IQCF5: variants seen among roughly 807,000 people sequenced by gnomAD.
IQCF5 encodes IQ motif containing F5, also known as IQ domain-containing protein F5.
A neutral mutation model predicts 3.4 loss-of-function variants in IQCF5; 2 were observed. The observed-to-expected ratio is 0.58, with a 90% CI of 0.24 to 1.84. The LOEUF is 1.84. Among genes scored for constraint, IQCF5 ranks in the 40% most tolerant of loss-of-function variants. The pLI is 0.17. For synonymous variants in IQCF5, 58 were observed against 64.7 expected, an observed-to-expected ratio of 0.90 and a Z score of 0.49; for missense variants, 167 against 191.6, an observed-to-expected ratio of 0.87 and a Z score of 0.76.
At chr3:51,875,219 A>C in intron 1 of IQCF5, 1 of 403,540 alleles carries the variant, frequency 2.5e-6, no homozygotes, top group Non-Finnish European at 4.6e-6. Context: ...TGATTTCATC[A>C]TTATGTTTAA....
rs746085732 is a variant in IQCF5 at position 51,874,155 on chromosome 3, T to C, written c.25A>G (p.Met9Val). Residue 9 changes from methionine to valine, a missense_variant, in exon 2 of 2, where the codon ATG (methionine) becomes GTG (valine). Physicochemically the swap from Met to Val is conservative, Grantham distance 21 (BLOSUM62 1). Transcript: ENST00000446461. Reference protein sequence around the residue: MGPEEKTIMTERSAAVFIQ... With the variant: MGPEEKTIVTERSAAVFIQ... ...AAAACAGCTGCAGACCTTTCTGTCA[T>C]GATGGTCTTCTCTTCTGGGCCTTAC... 6 of 1,551,384 alleles carry C rather than the reference T, an allele frequency of 3.9e-6. No homozygotes were observed. Among genetic ancestry groups the C allele is most frequent in the Admixed American group, 2.0e-5 (1 of 50,978 alleles).
At chr3:51,875,104 C>T (rs1034880714) in intron 1 of IQCF5, 6 of 218,356 alleles carry the variant, frequency 2.7e-5, no homozygotes, top group African/African-American at 9.1e-5. Context: ...CCCAGCCACT[C>T]ACGGAGTTGT....
intron 1 of IQCF5, chr3:51,875,099 C>T: frequency 4.6e-6 from 1 of 216,090 alleles, no homozygotes; most frequent in South Asian, 8.6e-5. Context: ...CTGGACCCAG[C>T]CACTCACGGA....
chr3:51,874,676 A>T (rs545485165), intron 1 of IQCF5: 25 of 353,222 alleles, frequency 7.1e-5, no homozygotes, highest in Non-Finnish European at 2.8e-5. Flanking sequence ...AACTTCAGCT[A>T]TGCATGCATC....
rs1698768306 is a variant in IQCF5, at chr3:51,874,004, A to T, written c.176T>A (p.Met59Lys). ...CTGCTGCACATAGAACTCCAACACC[A>T]TCCTCCGCCTCTTTGCCAGCAGCTT... is the stretch of plus-strand genomic sequence containing the variant. The part of the protein sequence containing the change: ...LEKLLAKRRR[M>K]VLEFYVQQEW... The change falls in exon 2 of 2, where the codon ATG becomes AAG. Residue 59 changes from methionine to lysine, a missense_variant. Transcript: ENST00000446461. 2.6e-6 allele frequency: 4 copies of T among 1,552,292 alleles called. No individual in the cohort carries two copies. In the South Asian group the frequency reaches 4.8e-5, roughly 18 times the overall value.
At chr3:51,875,390 A>AG (rs1698785172) in intron 1 of IQCF5, 138 bp downstream of exon 1, 2 of 916,024 alleles carry the variant, frequency 2.2e-6, no homozygotes, top group Admixed American at 2.0e-5. Flanking sequence ...TCAAACATGG[A>AG]GGGGGGTCCT....
At position 51,873,751 on chromosome 3, in the gene IQCF5, G is replaced by A. The variant is rs373244450; in HGVS notation, c.429C>T (p.Pro143=). 6 of 1,550,524 alleles carry A rather than the reference G, an allele frequency of 3.9e-6. No homozygotes were observed. In the African/African-American group the frequency reaches 5.5e-5, roughly 14 times the overall value. ...GACCTGGTCATTCTTTTAATGGAAG[G>A]GGTATGCATTGTTGCACCTTACAAG... The part of the protein sequence containing the change: ...LQACKVQQCI[P]LPLKE The change falls in exon 2 of 2, where the codon CCC becomes CCT. Residue 143 remains proline, a synonymous_variant. Transcript: ENST00000446461.
At position 51,874,134 on chromosome 3, in the gene IQCF5, C is replaced by G. The variant is rs1373549955; in HGVS notation, c.46G>C (p.Val16Leu). The G allele has an allele frequency of 1.3e-6, 2 of 1,552,130 alleles. No individual in the cohort carries two copies. The highest frequency in any genetic ancestry group is 2.0e-5 in the Admixed American group (1 of 50,998). Residue 16 changes from valine to leucine, a missense_variant, in exon 2 of 2, where the codon GTT (valine) becomes CTT (leucine). Coordinates refer to ENST00000446461, the MANE Select transcript of IQCF5 (RefSeq NM_001145059.2). ...CCCCGCCACCAGGCCTGGATGAAAACAGCTGCAGACCTTTCTGTCATGATG... is the reference window on the plus strand; with the variant it reads ...CCCCGCCACCAGGCCTGGATGAAAAGAGCTGCAGACCTTTCTGTCATGATG... ...KTIMTERSAAVFIQAWWRGML... is the reference protein window; with the variant it reads ...KTIMTERSAALFIQAWWRGML...
intron 1 of IQCF5, 199 bp downstream of exon 1, chr3:51,875,329 C>G: frequency 1.5e-6 from 1 of 645,500 alleles, no homozygotes; most frequent in East Asian, 2.7e-5. Flanking sequence ...GGTGCCAAGT[C>G]AAACACCATT....
In IQCF5 at chr3:51,874,196, C is replaced by T. The variant is rs1314676377; in HGVS notation, c.5-21G>A. 5.2e-6 allele frequency: 8 copies of T among 1,546,582 alleles called. No individual in the cohort carries two copies. In the South Asian group the frequency reaches 7.2e-5, roughly 14 times the overall value. ...TGGGCCTTACAAGAGAAAACAGACA[C>T]ACTCAGGGTATGCTAGGAAGGGGCC... On this transcript the variant is annotated intron_variant, in intron 1 of 1. Coordinates refer to ENST00000446461, the MANE Select transcript of IQCF5 (RefSeq NM_001145059.2).
Position 51,873,906 on chromosome 3 carries a change from T to G in IQCF5, c.274A>C (p.Asn92His). ...CVRQRYCRLL[N>H]AVRIIQVYWR... ...TAGACCTGGATGATGCGGACAGCGT[T>G]GAGCAAACGACAGTAACGCTGGCGG... is the stretch of plus-strand genomic sequence containing the variant. Residue 92 changes from asparagine to histidine, a missense_variant, in exon 2 of 2, where the codon AAC (asparagine) becomes CAC (histidine). Coordinates refer to ENST00000446461, the MANE Select transcript of IQCF5 (RefSeq NM_001145059.2). The G allele has an allele frequency of 6.4e-7, 1 of 1,551,790 alleles. No homozygotes were observed. The highest frequency in any genetic ancestry group is 8.7e-7 in the Non-Finnish European group (1 of 1,147,026).
intron 1 of IQCF5, 58 bp from the exon 2 acceptor site, chr3:51,874,233 T>A: frequency 2.7e-6 from 4 of 1,485,990 alleles, no homozygotes; most frequent in Non-Finnish European, 3.7e-6. Context: ...TGATCCTCTA[T>A]CAATGATGGC....
In IQCF5 at chr3:51,874,195, A is replaced by G. The variant is rs1345087947; in HGVS notation, c.5-20T>C. On this transcript the variant is annotated intron_variant, in intron 1 of 1. Coordinates refer to ENST00000446461, the MANE Select transcript of IQCF5 (RefSeq NM_001145059.2). ...CTGGGCCTTACAAGAGAAAACAGAC[A>G]CACTCAGGGTATGCTAGGAAGGGGC... The G allele has an allele frequency of 6.5e-7, 1 of 1,546,324 alleles. No individual in the cohort carries two copies.
At chr3:51,874,310 C>T (rs1201173933) in intron 1 of IQCF5, 135 bp from the exon 2 acceptor site, 3 of 832,084 alleles carry the variant, frequency 3.6e-6, no homozygotes, top group East Asian at 2.6e-5. Flanking sequence ...TAGGTGTCCC[C>T]CCTCTGCCAC....
intron 1 of IQCF5, chr3:51,874,623 T>C (rs1577625314): frequency 5.5e-6 from 2 of 365,246 alleles, no homozygotes; most frequent in East Asian, 7.3e-5. Flanking sequence ...CTCACCAAAG[T>C]GGTAACAGAT....
At chr3:51,875,488 G>A in intron 1 of IQCF5, 40 bp downstream of exon 1, 1 of 1,551,262 alleles carries the variant, frequency 6.4e-7, no homozygotes. Flanking sequence ...ACTGGGGACA[G>A]GTCGTAAAAT....
chr3:51,874,082 T>C lies in IQCF5; in HGVS notation c.98A>G (p.His33Arg), dbSNP rs115729521. The C allele has an allele frequency of 8.7e-4, 1,358 of 1,553,110 alleles. 13 individuals are homozygous for C. The African/African-American group carries it at 0.016, about 18-fold the overall frequency. The change falls in exon 2 of 2, where the codon CAT becomes CGT. Residue 33 changes from histidine to arginine, a missense_variant. Physicochemically the swap from His to Arg is conservative, Grantham distance 29. Transcript: ENST00000446461. ...AATGATCCAAGCCCTGAGGGCTGCA[T>C]GCAGCAGTGTGCGTCGCACCAGCAT... Reference protein sequence around the residue: ...RGMLVRRTLLHAALRAWIIQC... With the variant: ...RGMLVRRTLLRAALRAWIIQC...
At position 51,873,858 on chromosome 3, in the gene IQCF5, A is replaced by T; in HGVS notation, c.322T>A (p.Ser108Thr). Reference protein sequence around the residue: ...QVYWRWHSCHSRVFIEGHYEL... With the variant: ...QVYWRWHSCHTRVFIEGHYEL... ...TAGTGGCCCTCAATAAAGACACGGG[A>T]ATGGCAGCTGTGCCAGCGCCAATAG... Residue 108 changes from serine (S) to threonine (T), a missense_variant, in exon 2 of 2, where the codon TCC (serine) becomes ACC (threonine). By Grantham distance (58) the Ser-to-Thr change is moderately conservative (BLOSUM62 1). Coordinates refer to ENST00000446461, the MANE Select transcript of IQCF5 (RefSeq NM_001145059.2). The T allele has an allele frequency of 6.4e-7, 1 of 1,551,782 alleles. No individual in the cohort carries two copies. Among genetic ancestry groups the T allele is most frequent in the Non-Finnish European group, 8.7e-7 (1 of 1,147,012 alleles).
Position 51,875,581 on chromosome 3 carries a change from C to T in IQCF5, c.-50G>A, listed in dbSNP as rs1490190668. Reference sequence around the variant, plus strand: ...ACCCTCCGGCCCGCACTCCTCCGATCAGGACTCCAACAGGAAGAGTGGAGG... The same window carrying T: ...ACCCTCCGGCCCGCACTCCTCCGATTAGGACTCCAACAGGAAGAGTGGAGG... On this transcript the variant is annotated 5_prime_UTR_variant, in exon 1 of 2. Transcript: ENST00000446461. 5 of 1,551,142 alleles carry T rather than the reference C, an allele frequency of 3.2e-6. No homozygotes were observed. The highest frequency in any genetic ancestry group is 1.2e-5 in the South Asian group (1 of 84,040).
Sources: allele counts gnomAD v4.1 joint callset, GRCh38; gene constraint gnomAD v4.1.1; transcripts MANE v1.5; gene names NCBI Gene and HGNC (gene_info 2026-07-23, HGNC 2026-07-21).